DLGAP4: variants seen among roughly 807,000 people sequenced by gnomAD.
The protein encoded by DLGAP4 is DLG associated protein 4.
Under a neutral mutation model 86.9 loss-of-function variants are expected in DLGAP4, and 18 were observed. The observed-to-expected ratio is 0.21, with a 90% CI of 0.14 to 0.31. The LOEUF is 0.31. Among genes scored for constraint, DLGAP4 ranks in the 10% least tolerant of loss-of-function variants. DLGAP4 has a pLI of 1.00. For synonymous variants in DLGAP4, 548 were observed against 574.3 expected (o/e 0.95, Z 0.65); for missense variants, 1,085 against 1,362.6 (o/e 0.80, Z 3.21).
intron 1 of DLGAP4, among the ~76,000 whole-genome samples, chr20:36,315,757 G>A (rs939754581): frequency 1.3e-5 from 2 of 152,130 alleles, no homozygotes; most frequent in African/African-American, 2.4e-5. Flanking sequence ...TTCCAGAGCA[G>A]GGCAGACCTA....
At chr20:36,340,916 G>A (rs1422999473) in intron 1 of DLGAP4, among the ~76,000 whole-genome samples, 2 of 152,190 alleles carry the variant, frequency 1.3e-5, no homozygotes, top group African/African-American at 2.4e-5. Context: ...AGGGGAAGGG[G>A]ACACAGCCAA....
Position 36,369,718 on chromosome 20 carries a change from A to G in DLGAP4, c.-73+2443A>G, listed in dbSNP as rs2030848831. On this transcript the variant is annotated intron_variant, in intron 2 of 12. Transcript: ENST00000339266. The stretch of plus-strand genomic sequence containing the variant: ...TGACCTGGGTGGTGGTTACATGACT[A>G]TTTCCTTTTGATATTTTACTGCAGT... Among the ~76,000 whole-genome samples the G allele has an allele frequency of 2.0e-5, 3 of 152,194 alleles. No homozygotes were observed. In the South Asian group the frequency reaches 6.2e-4, roughly 32 times the overall value.
intron 1 of DLGAP4, among the ~76,000 whole-genome samples, chr20:36,332,587 G>A (rs1385408274): frequency 6.6e-6 from 1 of 151,866 alleles, no homozygotes; most frequent in Non-Finnish European, 1.5e-5. Flanking sequence ...ACAGGGTTTT[G>A]CCATGTTGGT....
intron 1 of DLGAP4, among the ~76,000 whole-genome samples, chr20:36,352,212 G>A (rs1401178083): frequency 6.6e-6 from 1 of 152,158 alleles, no homozygotes. Flanking sequence ...GATGGTGAGA[G>A]TGGGCGATGG....
rs772217231 is a variant in DLGAP4, at chr20:36,446,741, G to A, written c.1452G>A (p.Glu484=). ...ELSDQYEAAC[E]SACSEAESTA... is the part of the protein sequence containing the mutation. ...GTGACCAGTATGAGGCGGCCTGCGA[G>A]TCAGCCTGCAGTGAAGCGGAGTCCA... The change falls in exon 7 of 13, where the codon GAG becomes GAA. Residue 484 remains glutamate, a synonymous_variant. Coordinates refer to ENST00000339266, the MANE Select transcript of DLGAP4 (RefSeq NM_001365621.2). The A allele has an allele frequency of 5.6e-6, 9 of 1,612,088 alleles. No homozygotes were observed. The highest frequency in any genetic ancestry group is 3.3e-5 in the Admixed American group (2 of 59,978).
In DLGAP4 at chr20:36,496,912, C is replaced by A; in HGVS notation, c.1856C>A (p.Pro619His). 1 of 1,614,190 alleles carries A rather than the reference C, an allele frequency of 6.2e-7. No homozygotes were observed. Among genetic ancestry groups the A allele is most frequent in the Admixed American group, 1.7e-5 (1 of 60,020 alleles). Residue 619 changes from proline to histidine, a missense_variant, in exon 8 of 13, where the codon CCC becomes CAC. By Grantham distance (77) the Pro-to-His change is moderately conservative (BLOSUM62 -2). Around this residue, in one of 2 missense-constraint regions of DLGAP4, gnomAD observed 1,082 missense variants for 1,344.1 expected, o/e 0.81. Transcript: ENST00000339266. ...AGCCTGGACAGCAGTACCCGACCGC[C>A]CAGCGTGACACGGGGTGGAGTCGCC... is the stretch of plus-strand genomic sequence containing the variant. ...SDSLDSSTRP[P>H]SVTRGGVAPA...
chr20:36,514,905 A>G (rs1280391943), intron 10 of DLGAP4, among the ~76,000 whole-genome samples: 3 of 152,152 alleles, frequency 2.0e-5, no homozygotes, highest in African/African-American at 4.8e-5. Flanking sequence ...GAGAAAGGCC[A>G]TGTCTGAGGA....
intron 1 of DLGAP4, among the ~76,000 whole-genome samples, chr20:36,325,093 G>A (rs993985910): frequency 5.9e-5 from 9 of 152,082 alleles, no homozygotes; most frequent in Non-Finnish European, 1.2e-4. Context: ...TAGGCATTTA[G>A]TGCTATAAAG....
chr20:36,339,324 G>A (rs1472683440), intron 1 of DLGAP4, among the ~76,000 whole-genome samples: 1 of 152,136 alleles, frequency 6.6e-6, no homozygotes, highest in African/African-American at 2.4e-5. Flanking sequence ...CTGACCTCAG[G>A]TGATCCACCC....
chr20:36,384,617 A>G (rs149296344), intron 2 of DLGAP4, among the ~76,000 whole-genome samples: 8 of 152,298 alleles, frequency 5.3e-5, no homozygotes, highest in African/African-American at 1.7e-4. Context: ...AACACAAACT[A>G]ATGGGTGGGA....
intron 2 of DLGAP4, among the ~76,000 whole-genome samples, chr20:36,402,751 ATTTTT>A (rs56876508): frequency 6.7e-6 from 1 of 149,796 alleles, no homozygotes; most frequent in Non-Finnish European, 1.5e-5. Flanking sequence ...ATAAAAAAAA[ATTTTT>A]TTTTATTAAA....
intron 7 of DLGAP4, chr20:36,462,233 C>T (rs1255577646): frequency 2.5e-6 from 3 of 1,192,742 alleles, no homozygotes; most frequent in East Asian, 5.1e-5. Flanking sequence ...TCCCTGACTT[C>T]AGGAGCTCCT....
intron 7 of DLGAP4, among the ~76,000 whole-genome samples, chr20:36,493,474 C>G (rs1009010078): frequency 6.6e-6 from 1 of 152,204 alleles, no homozygotes; most frequent in Non-Finnish European, 1.5e-5. Context: ...CCTTCCGGAA[C>G]AGAGGAGAGT....
chr20:36,312,927 G>A (rs1444602836), intron 1 of DLGAP4, among the ~76,000 whole-genome samples: 3 of 152,294 alleles, frequency 2.0e-5, no homozygotes, highest in Admixed American at 1.3e-4. Flanking sequence ...TGCTACTGCT[G>A]TGTGTCCCTA....
chr20:36,521,697 T>C (rs528603134), intron 10 of DLGAP4, among the ~76,000 whole-genome samples: 1 of 152,342 alleles, frequency 6.6e-6, no homozygotes, highest in East Asian at 1.9e-4. Flanking sequence ...GTTTCTATGA[T>C]GGCCTGATTT....
chr20:36,399,495 GA>G (rs2032094242), intron 2 of DLGAP4, among the ~76,000 whole-genome samples: 1 of 152,234 alleles, frequency 6.6e-6, no homozygotes, highest in South Asian at 2.1e-4. Context: ...CCAACCCAGA[GA>G]GAGCTGGGAA....
rs752940270 is a variant in DLGAP4, at chr20:36,499,688, A to G, written c.2099+12A>G. On this transcript the variant is annotated intron_variant, in intron 9 of 12. Transcript: ENST00000339266. The stretch of plus-strand genomic sequence containing the variant: ...GAGGACGACTGGCGGTAAGTCGGAC[A>G]GAGGTGGCGGCTGCTTCTCCCCTCT... 7 of 1,611,462 alleles carry G rather than the reference A, an allele frequency of 4.3e-6. No homozygotes were observed. The Admixed American group carries it at 1.2e-4, about 27-fold the overall frequency.
intron 1 of DLGAP4, among the ~76,000 whole-genome samples, chr20:36,342,589 G>T (rs1239453321): frequency 3.3e-5 from 5 of 152,208 alleles, no homozygotes; most frequent in Non-Finnish European, 7.3e-5. Context: ...GGGGCCCGCA[G>T]GGAGCAACTG....
Position 36,312,329 on chromosome 20 carries a change from A to G in DLGAP4, c.-304+5817A>G, listed in dbSNP as rs965952355. On this transcript the variant is annotated intron_variant, in intron 1 of 12. Coordinates refer to ENST00000339266, the MANE Select transcript of DLGAP4 (RefSeq NM_001365621.2). Reference sequence around the variant, plus strand: ...GTTCATGGAAAAGGTAGAGCCCTCAATATGCACATGCACACGCACACACAC... The same window carrying G: ...GTTCATGGAAAAGGTAGAGCCCTCAGTATGCACATGCACACGCACACACAC... 2.0e-5 allele frequency among the ~76,000 whole-genome samples: 3 copies of G among 152,262 alleles called. No homozygotes were observed. The East Asian group carries it at 5.8e-4, about 29-fold the overall frequency.
Sources: gnomAD v4.1 joint callset for allele counts (sites outside exome capture counted in the v4.1 genomes callset) on GRCh38, gnomAD v4.1.1 for gene constraint, gnomAD v4.1.1 regional missense constraint, MANE v1.5 for transcripts, NCBI Gene and HGNC (gene_info 2026-07-23, HGNC 2026-07-21) for gene names.